The following SLC9A6 variants were observed in gnomAD, a reference collection of about 807,000 sequenced individuals.
The protein encoded by SLC9A6 is solute carrier family 9 member A6, also known as sodium/hydrogen exchanger 6.
SLC9A6 carries 6 observed loss-of-function variants against 45.3 expected under a neutral mutation model. The ratio of observed to expected loss-of-function variants is 0.13; its 90% CI spans 0.07 to 0.26. The LOEUF is 0.26. SLC9A6 is among the 10% of genes least tolerant of loss of function. The pLI is 1.00. For synonymous variants in SLC9A6, 191 were observed against 187.7 expected (o/e 1.02, Z -0.14); for missense variants, 278 against 503.7 (o/e 0.55, Z 4.29).
chrX:136,027,448 C>A (rs1018629602), intron 13 of SLC9A6, among the ~76,000 whole-genome samples: 3 of 111,630 alleles, frequency 2.7e-5, no homozygotes, highest in Admixed American at 1.9e-4. Context: ...GAAAAAAACT[C>A]TCATGGCCGG....
rs1407881716 is a variant in SLC9A6, at chrX:135,985,834, T to C, written c.169+7T>C. ...GGCCTGGCTATGATTTATGGCAAGT[T>C]CCTCAACCCTTGTCAGCCCCTTGGC... On this transcript the variant is annotated splice_region_variant and intron_variant, in intron 2 of 17. Coordinates refer to ENST00000630721, the MANE Select transcript of SLC9A6 (RefSeq NM_001379110.1). 8.3e-7 allele frequency: 1 copy of C among 1,210,442 alleles called. No homozygotes were observed. Among genetic ancestry groups the C allele is most frequent in the Non-Finnish European group, 1.1e-6 (1 of 895,358 alleles).
chrX:136,031,498 G>A (rs2071320087), intron 15 of SLC9A6, among the ~76,000 whole-genome samples: 2 of 112,059 alleles, frequency 1.8e-5, no homozygotes, highest in South Asian at 7.5e-4. Flanking sequence ...TCAGGAATTC[G>A]AGACCAGCCT....
chrX:135,981,805 A>T (rs1457649120), upstream of SLC9A6, among the ~76,000 whole-genome samples: 1 of 112,214 alleles, frequency 8.9e-6, no homozygotes, highest in African/African-American at 3.2e-5. Context: ...GTGTTCCAGA[A>T]ACACCCCCTT....
chrX:136,001,626 A>G (rs1308405948), intron 6 of SLC9A6, among the ~76,000 whole-genome samples: 1 of 112,121 alleles, frequency 8.9e-6, no homozygotes. Context: ...AACTAAACCT[A>G]TGTTTTCATT....
chrX:135,992,056 G>A (rs781884027), intron 2 of SLC9A6, among the ~76,000 whole-genome samples: 19 of 111,805 alleles, frequency 1.7e-4, no homozygotes, highest in African/African-American at 5.9e-4. Context: ...AACTATGCGT[G>A]TGTCACAAGT....
intron 17 of SLC9A6, among the ~76,000 whole-genome samples, chrX:136,041,303 C>G (rs2071505849): frequency 9.0e-6 from 1 of 111,250 alleles, no homozygotes; most frequent in South Asian, 3.8e-4. Context: ...ACACACACCT[C>G]CCTCCCCGTG....
intron 1 of SLC9A6, among the ~76,000 whole-genome samples, chrX:135,978,712 G>A (rs2089273739): frequency 9.1e-6 from 1 of 110,067 alleles, no homozygotes; most frequent in Non-Finnish European, 1.9e-5. Context: ...TTTGCTTTTT[G>A]AGCACATTGG....
In SLC9A6 at chrX:135,985,844, T is replaced by A; in HGVS notation, c.169+17T>A. 1 of 1,209,752 alleles carries A rather than the reference T, an allele frequency of 8.3e-7. No homozygotes were observed. The highest frequency in any genetic ancestry group is 1.1e-6 in the Non-Finnish European group (1 of 895,096). On this transcript the variant is annotated intron_variant, in intron 2 of 17. Transcript: ENST00000630721. ...TGATTTATGGCAAGTTCCTCAACCC[T>A]TGTCAGCCCCTTGGCGCTGCCCCTT... is the stretch of plus-strand genomic sequence containing the variant.
intron 7 of SLC9A6, among the ~76,000 whole-genome samples, chrX:136,007,387 T>A (rs1465070047): frequency 2.7e-5 from 3 of 110,647 alleles, no homozygotes; most frequent in African/African-American, 6.6e-5. Flanking sequence ...AACAAATAAA[T>A]ACCTGGCCAC....
intron 2 of SLC9A6, among the ~76,000 whole-genome samples, chrX:135,993,264 GC>G (rs2089457820): frequency 9.0e-6 from 1 of 111,371 alleles, no homozygotes; most frequent in Non-Finnish European, 1.9e-5. Context: ...ATGAGTGGTT[GC>G]CAGGGGCTGT....
intron 3 of SLC9A6, among the ~76,000 whole-genome samples, chrX:135,996,480 A>G (rs2089498690): frequency 1.8e-5 from 2 of 111,748 alleles, no homozygotes; most frequent in South Asian, 7.5e-4. Context: ...GTTTGTGTGT[A>G]GCTACTTTGT....
intron 9 of SLC9A6, 74 bp downstream of exon 9, chrX:136,013,128 A>T (rs1446997786): frequency 1.3e-6 from 1 of 775,105 alleles, no homozygotes; most frequent in Admixed American, 2.2e-5. Flanking sequence ...CTCCAAGTGG[A>T]TCAGCTCCGT....
At chrX:135,981,639 G>A (rs2089286071), upstream of SLC9A6, among the ~76,000 whole-genome samples, 1 of 112,248 alleles carries the variant, frequency 8.9e-6, no homozygotes, top group African/African-American at 3.2e-5. Context: ...AGCATTCAAG[G>A]AACTAGAAGT....
intron 15 of SLC9A6, chrX:136,030,576 G>C (rs1302272675): frequency 5.8e-6 from 1 of 172,941 alleles, no homozygotes; most frequent in African/African-American, 3.0e-5. Flanking sequence ...ATGACCAGCA[G>C]CTGCCCTAGA....
chrX:136,003,581 C>T (rs782678134), intron 7 of SLC9A6, among the ~76,000 whole-genome samples: 5 of 111,949 alleles, frequency 4.5e-5, no homozygotes, highest in Middle Eastern at 4.6e-3. Context: ...AGTGATTAAC[C>T]TTGAACTTAC....
intron 2 of SLC9A6, among the ~76,000 whole-genome samples, chrX:135,994,399 G>A (rs781987653): frequency 9.0e-6 from 1 of 111,477 alleles, no homozygotes; most frequent in Admixed American, 9.6e-5. Context: ...GAGCCACCGC[G>A]CCTGGCCAGA....
chrX:136,009,148 A>G (rs183668814), intron 7 of SLC9A6, among the ~76,000 whole-genome samples: 2 of 111,638 alleles, frequency 1.8e-5, no homozygotes, highest in Non-Finnish European at 3.8e-5. Flanking sequence ...TGGTAGTGGG[A>G]CCCTTTATAT....
chrX:136,014,540 G>A (rs1324367180), intron 10 of SLC9A6, among the ~76,000 whole-genome samples: 2 of 112,900 alleles, frequency 1.8e-5, no homozygotes, highest in Admixed American at 9.3e-5. Context: ...CAAAGCGGGC[G>A]GATCACCCGA....
rs782297881 is a variant in SLC9A6, at chrX:136,010,762, G to A, written c.885+179G>A. On this transcript the variant is annotated intron_variant, in intron 8 of 17. Coordinates refer to ENST00000630721, the MANE Select transcript of SLC9A6 (RefSeq NM_001379110.1). Reference sequence around the variant, plus strand: ...TTGCCAATAAATAAATAAAAGAACTGTATTGTTCTGCATAGGGTTTGGTGC... The same window carrying A: ...TTGCCAATAAATAAATAAAAGAACTATATTGTTCTGCATAGGGTTTGGTGC... Among the ~76,000 whole-genome samples, 320 of 112,248 alleles carry A rather than the reference G, an allele frequency of 2.9e-3. 2 individuals carry two copies. The highest frequency in any genetic ancestry group is 3.0e-3 in the Non-Finnish European group (161 of 53,274).
Sources: allele counts gnomAD v4.1 joint callset (sites outside exome capture counted in the v4.1 genomes callset), GRCh38; gene constraint gnomAD v4.1.1; transcripts MANE v1.5; gene names NCBI Gene and HGNC (gene_info 2026-07-23, HGNC 2026-07-21).